TLN2: variants seen among roughly 807,000 people sequenced by gnomAD.
TLN2 encodes the protein talin-2.
A neutral mutation model predicts 294.7 loss-of-function variants in TLN2; 118 were observed. The observed-to-expected ratio is 0.40, with a 90% CI of 0.34 to 0.47. TLN2 has a LOEUF of 0.47. Among genes scored for constraint, TLN2 ranks in the 20% least tolerant of loss-of-function variants. The pLI is 0.84. For synonymous variants in TLN2, 1,431 were observed against 1,304.5 expected (o/e 1.10, Z -2.09); for missense variants, 3,083 against 3,282.2 (o/e 0.94, Z 1.48).
chr15:62,450,641 C>T (rs538788288), intron 1 of TLN2, among the ~76,000 whole-genome samples: 30 of 152,072 alleles, frequency 2.0e-4, no homozygotes, highest in Admixed American at 1.2e-3. Flanking sequence ...GTGGCATGAA[C>T]GCTGATCACT....
chr15:62,779,268 G>A (rs189669644), intron 43 of TLN2, among the ~76,000 whole-genome samples: 7 of 152,310 alleles, frequency 4.6e-5, no homozygotes, highest in East Asian at 1.9e-4. Context: ...CTCTCGGGAC[G>A]TTGATTTCCT....
chr15:62,760,492 G>A (rs533397287), intron 37 of TLN2, among the ~76,000 whole-genome samples: 1 of 152,198 alleles, frequency 6.6e-6, no homozygotes, highest in South Asian at 2.1e-4. Flanking sequence ...TAAGGGTTAA[G>A]TTAAAAGTTT....
intron 45 of TLN2, among the ~76,000 whole-genome samples, chr15:62,791,427 A>G (rs530712911): frequency 3.4e-4 from 52 of 152,364 alleles, no homozygotes; most frequent in Non-Finnish European, 6.8e-4. Flanking sequence ...AGAATATTCT[A>G]CTAAATGGAT....
At chr15:62,591,066 C>A (rs1431942773) in intron 2 of TLN2, among the ~76,000 whole-genome samples, 1 of 150,984 alleles carries the variant, frequency 6.6e-6, no homozygotes, top group African/African-American at 2.4e-5. Flanking sequence ...ACATACTGTT[C>A]TTTGTATTTT....
intron 11 of TLN2, among the ~76,000 whole-genome samples, chr15:62,677,805 A>ACTTTTTTTTTTTT (rs2056393507): frequency 9.0e-5 from 1 of 11,146 alleles, no homozygotes; most frequent in African/African-American, 1.4e-4. Context: ...AGCACTTGCA[A>ACTTTTTTTTTTTT]CTTTTTTTTT....
chr15:62,802,673 A>G (rs2066014395), intron 50 of TLN2, among the ~76,000 whole-genome samples: 1 of 152,218 alleles, frequency 6.6e-6, no homozygotes, highest in African/African-American at 2.4e-5. Flanking sequence ...TAGTGTTTGT[A>G]CTAATTTACA....
intron 2 of TLN2, among the ~76,000 whole-genome samples, chr15:62,598,717 C>G (rs1304027828): frequency 6.6e-6 from 1 of 151,026 alleles, no homozygotes; most frequent in Non-Finnish European, 1.5e-5. Context: ...ACTTTTCTCT[C>G]CATTCCTGAG....
chr15:62,403,551 G>A (rs902896126), intron 1 of TLN2, among the ~76,000 whole-genome samples: 15 of 152,190 alleles, frequency 9.9e-5, no homozygotes, highest in Non-Finnish European at 2.1e-4. Flanking sequence ...CACTTATTAA[G>A]GTAGTGGCAA....
chr15:62,702,309 G>A (rs2141100510), intron 18 of TLN2, 109 bp downstream of exon 18: 1 of 1,231,320 alleles, frequency 8.1e-7, no homozygotes, highest in South Asian at 1.5e-5. Flanking sequence ...TTGATGGGGT[G>A]TGTTTCTCTC....
chr15:62,433,165 AG>A (rs1343474567), intron 1 of TLN2, among the ~76,000 whole-genome samples: 1 of 152,184 alleles, frequency 6.6e-6, no homozygotes. Flanking sequence ...TCTGGGAAGA[AG>A]ACTGCAGCCC....
rs1268193259 is a variant in TLN2 at position 62,518,855 on chromosome 15, C to T, written c.-237-70832C>T. Among the ~76,000 whole-genome samples, 6 of 152,260 alleles carry T rather than the reference C, an allele frequency of 3.9e-5. No individual in the cohort carries two copies. In the South Asian group the frequency reaches 8.3e-4, roughly 21 times the overall value. The stretch of plus-strand genomic sequence containing the variant: ...TTAAGTGATCCACCAGCCTCAGCCT[C>T]CCAAAGTGCAGGGATTATAGGAGTG... On this transcript the variant is annotated intron_variant, in intron 1 of 58. Transcript: ENST00000636159.
At chr15:62,713,392 T>C (rs866354658) in intron 22 of TLN2, among the ~76,000 whole-genome samples, 3 of 151,788 alleles carry the variant, frequency 2.0e-5, no homozygotes, top group Middle Eastern at 3.4e-3. Flanking sequence ...TTAAAATGTA[T>C]TGTGGGCTGG....
intron 1 of TLN2, among the ~76,000 whole-genome samples, chr15:62,584,660 C>CCCAAATTATAT (rs1437227860): frequency 3.3e-5 from 5 of 152,220 alleles, no homozygotes; most frequent in Non-Finnish European, 5.9e-5. Context: ...CAAATTATAG[C>CCCAAATTATAT]ATTCCCAAGA....
intron 1 of TLN2, among the ~76,000 whole-genome samples, chr15:62,480,433 A>G (rs2038018364): frequency 6.6e-6 from 1 of 152,118 alleles, no homozygotes. Flanking sequence ...ATGGTTGGCC[A>G]GGCTGATCTC....
intron 28 of TLN2, among the ~76,000 whole-genome samples, chr15:62,728,771 G>T (rs1392022023): frequency 1.3e-5 from 2 of 151,994 alleles, no homozygotes; most frequent in Admixed American, 1.3e-4. Flanking sequence ...GGAGTTCTTT[G>T]TTACTTACAT....
Position 62,740,620 on chromosome 15 carries a change from G to A in TLN2, c.3886-10G>A, listed in dbSNP as rs1229611642. The A allele has an allele frequency of 1.2e-6, 2 of 1,613,988 alleles. No individual in the cohort carries two copies. The highest frequency in any genetic ancestry group is 1.6e-4 in the Middle Eastern group (1 of 6,062). On this transcript the variant is annotated splice_polypyrimidine_tract_variant and intron_variant, in intron 31 of 58. Transcript: ENST00000636159. ...GGCCCTAATAGCTCCGGCTCCTTTT[G>A]ACCTTCCAGACAAAAGAAGACCAGA... is the stretch of plus-strand genomic sequence containing the variant.
chr15:62,414,124 A>C (rs1331814732), intron 1 of TLN2, among the ~76,000 whole-genome samples: 1 of 121,972 alleles, frequency 8.2e-6, no homozygotes, highest in Non-Finnish European at 1.7e-5. Flanking sequence ...ATCACATGTC[A>C]TATTGGTTGA....
intron 2 of TLN2, among the ~76,000 whole-genome samples, chr15:62,614,385 C>T (rs973821240): frequency 6.6e-6 from 1 of 152,176 alleles, no homozygotes; most frequent in Non-Finnish European, 1.5e-5. Flanking sequence ...ATTTTGTAAT[C>T]ACTGCATTGA....
intron 1 of TLN2, among the ~76,000 whole-genome samples, chr15:62,541,828 A>G (rs1006148632): frequency 6.6e-6 from 1 of 152,000 alleles, no homozygotes; most frequent in Non-Finnish European, 1.5e-5. Flanking sequence ...ATTTATTGTA[A>G]CTTCAAGATG....
Sources: gnomAD v4.1 joint callset for allele counts (sites outside exome capture counted in the v4.1 genomes callset) on GRCh38, gnomAD v4.1.1 for gene constraint, MANE v1.5 for transcripts, NCBI Gene and HGNC (gene_info 2026-07-23, HGNC 2026-07-21) for gene names.